NDUFAF6: variants seen among roughly 807,000 people sequenced by gnomAD.
NDUFAF6 encodes the protein NADH dehydrogenase (ubiquinone) complex I, assembly factor 6.
Under a neutral mutation model 40.8 loss-of-function variants are expected in NDUFAF6, and 45 were observed. The ratio of observed to expected loss-of-function variants is 1.10; its 90% CI spans 0.87 to 1.42. The LOEUF (loss-of-function observed/expected upper bound fraction) is 1.42, where lower values mean the gene tolerates loss of function less well. Among genes scored for constraint, NDUFAF6 ranks in the 40% most tolerant of loss-of-function variants. The pLI, the probability that NDUFAF6 is intolerant of heterozygous loss-of-function variation, is 0.00. For synonymous variants in NDUFAF6, 185 were observed against 155.9 expected, an observed-to-expected ratio of 1.19 and a Z score of -1.39; for missense variants, 435 against 418.5, an observed-to-expected ratio of 1.04 and a Z score of -0.34.
At chr8:95,075,753 G>A in exon 10 of NDUFAF6, 1 of 1,263,418 alleles carries the variant, frequency 7.9e-7, no homozygotes, top group South Asian at 1.2e-5. Context: ...ACTTCTCCAG[G>A]TACTTGAGCT....
chr8:94,962,257 A>G (rs28716845), intron 1 of NDUFAF6, among the ~76,000 whole-genome samples: 77,039 of 152,112 alleles, frequency 0.51, 19,929 homozygotes, highest in East Asian at 0.72. Flanking sequence ...ACAGGAGGAG[A>G]CTGGGTCTCT....
chr8:95,075,892 G>A (rs1232667399), exon 10 of NDUFAF6: 3 of 348,596 alleles, frequency 8.6e-6, no homozygotes, highest in South Asian at 6.9e-5. Context: ...GTTAGTGTGA[G>A]CCAGACTGGG....
At chr8:95,091,094 G>C (rs553998832) in intron 2 of NDUFAF6, among the ~76,000 whole-genome samples, 2 of 150,674 alleles carry the variant, frequency 1.3e-5, no homozygotes, top group South Asian at 4.2e-4. Flanking sequence ...TCCCTCTAGA[G>C]AACCTTGACT....
chr8:95,025,255 T>C, intron 1 of NDUFAF6, 50 bp downstream of exon 1: 4 of 1,346,146 alleles, frequency 3.0e-6, no homozygotes, highest in South Asian at 1.8e-5. Flanking sequence ...GGTCCCGGGG[T>C]GGGAGCGGCT....
At chr8:94,966,396 C>A (rs766869127) in intron 1 of NDUFAF6, among the ~76,000 whole-genome samples, 1 of 152,108 alleles carries the variant, frequency 6.6e-6, no homozygotes, top group Non-Finnish European at 1.5e-5. Context: ...GAGTTCAAGA[C>A]CAGCCTGAGC....
At chr8:95,094,377 TCCTTC>T (rs1809369943) in intron 2 of NDUFAF6, among the ~76,000 whole-genome samples, 1 of 57,310 alleles carries the variant, frequency 1.7e-5, no homozygotes, top group Non-Finnish European at 3.8e-5. Context: ...TTCTTTTCTT[TCCTTC>T]TTTCTTTTCT....
At chr8:94,908,596 C>T (rs1818535779) in intron 1 of NDUFAF6, among the ~76,000 whole-genome samples, 1 of 152,184 alleles carries the variant, frequency 6.6e-6, no homozygotes, top group South Asian at 2.1e-4. Flanking sequence ...CCTCAAACTC[C>T]TGGCCTGAAG....
intron 2 of NDUFAF6, among the ~76,000 whole-genome samples, chr8:94,987,653 G>A (rs1156283442): frequency 2.0e-5 from 3 of 152,210 alleles, no homozygotes; most frequent in African/African-American, 7.2e-5. Flanking sequence ...GTTTTAGGCT[G>A]CTTAGGGGAA....
intron 2 of NDUFAF6, among the ~76,000 whole-genome samples, chr8:95,007,306 C>CAA (rs11369422): frequency 0.092 from 13,721 of 149,282 alleles, 645 homozygotes; most frequent in Non-Finnish European, 0.1. Context: ...CCTGTAATAC[C>CAA]AAAAAAAAAA....
chr8:95,076,866 T>G (rs1429684738), downstream of NDUFAF6, among the ~76,000 whole-genome samples: 1 of 91,330 alleles, frequency 1.1e-5, no homozygotes, highest in Non-Finnish European at 2.1e-5. Context: ...AGAGCGAAAC[T>G]CCGTCTCAAA....
chr8:95,021,216 G>T (rs1289580104), upstream of NDUFAF6, among the ~76,000 whole-genome samples: 1 of 152,056 alleles, frequency 6.6e-6, no homozygotes, highest in Non-Finnish European at 1.5e-5. Context: ...TCTCTTGGGA[G>T]TCTGTAGAGG....
intron 9 of NDUFAF6, among the ~76,000 whole-genome samples, chr8:95,071,126 C>T (rs967268113): frequency 2.0e-5 from 3 of 151,934 alleles, no homozygotes; most frequent in Non-Finnish European, 2.9e-5. Context: ...CGCGGTGGCT[C>T]AAGCCTGTAA....
intron 1 of NDUFAF6, among the ~76,000 whole-genome samples, chr8:94,980,325 A>G (rs1825313013): frequency 6.6e-6 from 1 of 151,496 alleles, no homozygotes; most frequent in African/African-American, 2.4e-5. Context: ...ATCATAAGAA[A>G]CAGTTTGTGG....
At chr8:95,060,419 T>G (rs1832543212), downstream of NDUFAF6, among the ~76,000 whole-genome samples, 1 of 152,232 alleles carries the variant, frequency 6.6e-6, no homozygotes, top group Non-Finnish European at 1.5e-5. Context: ...GTAGGTAAAG[T>G]TGCATATCAT....
chr8:95,046,272 C>T (rs893261335), intron 5 of NDUFAF6, among the ~76,000 whole-genome samples: 5 of 152,120 alleles, frequency 3.3e-5, no homozygotes, highest in Non-Finnish European at 7.4e-5. Context: ...GTCTCGATCT[C>T]TTGACCTCGT....
chr8:94,909,383 C>A (rs370311441), intron 1 of NDUFAF6, among the ~76,000 whole-genome samples: 49 of 29,232 alleles, frequency 1.7e-3, no homozygotes, highest in African/African-American at 5.3e-3. Context: ...AAAAAAAAAA[C>A]ACTTCGGGAG....
chr8:94,980,092 G>T (rs1260528361), intron 1 of NDUFAF6, among the ~76,000 whole-genome samples: 1 of 150,354 alleles, frequency 6.7e-6, no homozygotes, highest in Non-Finnish European at 1.5e-5. Flanking sequence ...GTGAGACTCT[G>T]TCTCAAAGCG....
chr8:94,904,980 A>G (rs185006180), intron 1 of NDUFAF6, among the ~76,000 whole-genome samples: 30 of 152,272 alleles, frequency 2.0e-4, no homozygotes, highest in Admixed American at 4.6e-4. Context: ...CGGGCGGATT[A>G]CCTGAGGTTA....
At chr8:95,025,527 A>C (rs141820383) in intron 1 of NDUFAF6, among the ~76,000 whole-genome samples, 27 of 152,344 alleles carry the variant, frequency 1.8e-4, no homozygotes, top group Admixed American at 3.3e-4. Flanking sequence ...AGTTTTAACC[A>C]CAACGGTAGC....
Sources: gnomAD v4.1 joint callset for allele counts (sites outside exome capture counted in the v4.1 genomes callset) on GRCh38, gnomAD v4.1.1 for gene constraint, MANE v1.5 for transcripts, NCBI Gene and HGNC (gene_info 2026-07-23, HGNC 2026-07-21) for gene names.